Variants in RGR observed in about 807,000 individuals in gnomAD.
The protein encoded by RGR is RPE-retinal G protein-coupled receptor.
Under a neutral mutation model 28.6 loss-of-function variants are expected in RGR, and 30 were observed. The ratio of observed to expected loss-of-function variants is 1.05; its 90% confidence interval spans 0.78 to 1.42. RGR has a LOEUF of 1.42. Among genes scored for constraint, RGR ranks in the 40% most tolerant of loss-of-function variants. The pLI, the probability that RGR is intolerant of heterozygous loss-of-function variation, is 0.00. For missense variants in RGR, 404 were observed against 375.6 expected (o/e 1.08, Z -0.62); for synonymous variants, 180 against 156.4 (o/e 1.15, Z -1.13).
chr10:84,254,765 T>G (rs1170759782), intron 5 of RGR, among the ~76,000 whole-genome samples: 1 of 152,178 alleles, frequency 6.6e-6, no homozygotes, highest in Non-Finnish European at 1.5e-5. Flanking sequence ...CTTTGGCCCT[T>G]GTGTGCTTGC....
intron 1 of RGR, among the ~76,000 whole-genome samples, chr10:84,246,360 T>C (rs1842746440): frequency 1.3e-5 from 2 of 152,124 alleles, no homozygotes; most frequent in Admixed American, 1.3e-4. Flanking sequence ...CATTTGTAGG[T>C]TTTTTTAATC....
In RGR at chr10:84,259,003, G is replaced by C; in HGVS notation, c.*364G>C. The C allele has an allele frequency of 3.2e-6, 1 of 316,916 alleles. No homozygotes were observed. The highest frequency in any genetic ancestry group is 2.9e-5 in the South Asian group (1 of 34,354). 19.6% of individuals were successfully genotyped at this position (316,916 alleles called of 1,614,324 possible). A position where few individuals can be genotyped will look rare whatever the true frequency, so the allele number is the denominator to read the frequency against. Reference sequence around the variant, plus strand: ...TAATAATATACGTTGTACCCATTAAGTTATTTCTCATCCCTCACCCCCTCC... The same window carrying C: ...TAATAATATACGTTGTACCCATTAACTTATTTCTCATCCCTCACCCCCTCC... On this transcript the variant is annotated 3_prime_UTR_variant, in exon 7 of 7. Coordinates refer to ENST00000652092, the MANE Select transcript of RGR (RefSeq NM_001012720.2).
rs1211660616 is a variant in RGR, at chr10:84,247,759, C to G, written c.236+12C>G. ...TCCAGCCTTCTCCGGTACCAGCCCC[C>G]TCCCCAGTCCACAGGCTCTGGGGTC... On this transcript the variant is annotated intron_variant, in intron 2 of 6. Transcript: ENST00000652092. The G allele has an allele frequency of 6.2e-7, 1 of 1,614,098 alleles. No homozygotes were observed. The highest frequency in any genetic ancestry group is 1.7e-5 in the Admixed American group (1 of 60,034).
chr10:84,247,488 G>T, intron 1 of RGR, 103 bp from the exon 2 acceptor site: 1 of 1,327,126 alleles, frequency 7.5e-7, no homozygotes, highest in Non-Finnish European at 1.1e-6. Flanking sequence ...TGTCTTCCTT[G>T]TCTGTCCAGG....
At position 84,257,963 on chromosome 10, in the gene RGR, C is replaced by T. The variant is rs1055318208; in HGVS notation, c.701C>T (p.Ala234Val). The T allele has an allele frequency of 1.9e-6, 3 of 1,614,082 alleles. No individual in the cohort carries two copies. The highest frequency in any genetic ancestry group is 2.5e-6 in the Non-Finnish European group (3 of 1,180,050). ...WGPYAILYLYAVIADVTSISP... is the reference protein window; with the variant it reads ...WGPYAILYLYVVIADVTSISP... ...CCCTATGCCATCCTGTATCTATACGCAGTCATCGCAGACGTGACTTCCATC... is the reference window on the plus strand; with the variant it reads ...CCCTATGCCATCCTGTATCTATACGTAGTCATCGCAGACGTGACTTCCATC... Residue 234 changes from alanine (A) to valine (V), a missense_variant, in exon 6 of 7, where the codon GCA becomes GTA. By Grantham distance (64) the Ala-to-Val change is moderately conservative (BLOSUM62 0). Transcript: ENST00000652092.
chr10:84,245,784 C>T (rs1842739930), intron 1 of RGR, among the ~76,000 whole-genome samples: 1 of 152,238 alleles, frequency 6.6e-6, no homozygotes, highest in Non-Finnish European at 1.5e-5. Context: ...CCAAGCACTT[C>T]ACCTCTGGAG....
Position 84,258,521 on chromosome 10 carries a change from T to C in RGR, c.758T>C (p.Ile253Thr). Residue 253 changes from isoleucine to threonine, a missense_variant, in exon 7 of 7, where the codon ATT (isoleucine) becomes ACT (threonine). Transcript: ENST00000652092. ...SPKLQMVPAL[I>T]AKMVPTINAI... is the part of the protein sequence containing the mutation. ...CTGCCACAACAGGTGCCCGCCCTCA[T>C]TGCCAAAATGGTGCCCACGATCAAT... The C allele has an allele frequency of 6.2e-7, 1 of 1,614,194 alleles. No homozygotes were observed. Among genetic ancestry groups the C allele is most frequent in the Non-Finnish European group, 8.5e-7 (1 of 1,180,022 alleles).
intron 3 of RGR, among the ~76,000 whole-genome samples, chr10:84,249,682 TTGCAGACAGGCACTACTC>T (rs1362426913): frequency 2.2e-4 from 34 of 152,340 alleles, no homozygotes; most frequent in African/African-American, 7.0e-4. Context: ...GAAAATGCCC[TTGCAGACAGGCACTACTC>T]TGCAGACAGG....
intron 3 of RGR, among the ~76,000 whole-genome samples, chr10:84,250,220 C>T (rs771012436): frequency 1.2e-4 from 19 of 152,284 alleles, no homozygotes; most frequent in Middle Eastern, 3.4e-3. Context: ...ATGAATTTGT[C>T]CAGCACAGAG....
At chr10:84,245,267 AC>A in intron 1 of RGR, 98 bp downstream of exon 1, 1 of 1,237,614 alleles carries the variant, frequency 8.1e-7, no homozygotes, top group Non-Finnish European at 1.1e-6. Context: ...AGGTCCCCAA[AC>A]CCAGCTGGGT....
At chr10:84,252,303 G>A (rs904228503) in intron 3 of RGR, among the ~76,000 whole-genome samples, 1 of 152,208 alleles carries the variant, frequency 6.6e-6, no homozygotes, top group Non-Finnish European at 1.5e-5. Context: ...AAGTGCTGAG[G>A]ATGGTGGTAA....
intron 4 of RGR, among the ~76,000 whole-genome samples, chr10:84,253,437 C>A (rs185430978): frequency 6.6e-6 from 1 of 152,276 alleles, no homozygotes; most frequent in African/African-American, 2.4e-5. Flanking sequence ...GGAGGGAATG[C>A]CCTGAGCATA....
chr10:84,248,240 C>T (rs778874456), intron 2 of RGR: 39 of 1,210,760 alleles, frequency 3.2e-5, no homozygotes, highest in East Asian at 1.6e-4. Flanking sequence ...GGAGGGACAC[C>T]GATGCAGTGT....
chr10:84,250,239 G>A (rs1842798287), intron 3 of RGR: 1 of 663,624 alleles, frequency 1.5e-6, no homozygotes, highest in Non-Finnish European at 2.8e-6. Flanking sequence ...AGGCTGCTGT[G>A]AGGTCTATAG....
At chr10:84,257,228 C>T (rs138598067) in intron 5 of RGR, among the ~76,000 whole-genome samples, 1,530 of 152,316 alleles carry the variant, frequency 0.01, 29 homozygotes, top group African/African-American at 0.035. Flanking sequence ...TCTTGCGCCC[C>T]CTCATGGCCC....
chr10:84,250,292 C>T lies in RGR; in HGVS notation c.358+1249C>T. On this transcript the variant is annotated intron_variant, in intron 3 of 6. Coordinates refer to ENST00000652092, the MANE Select transcript of RGR (RefSeq NM_001012720.2). ...CATGGCATGTCCTCTTTGGAATCCA[C>T]AGAACTTCCCTTGCCATAGTCACAT... 8.5e-6 allele frequency: 6 copies of T among 709,670 alleles called. No homozygotes were observed. The South Asian group carries it at 8.9e-5, about 11-fold the overall frequency. The allele number at this position is 709,670 out of a possible 1,614,324, so 44.0% of individuals were successfully genotyped here.
chr10:84,259,637 A>T lies in RGR; in HGVS notation c.*998A>T, dbSNP rs1485843885. 2 of 152,014 alleles carry T rather than the reference A, an allele frequency of 1.3e-5. No homozygotes were observed. The highest frequency in any genetic ancestry group is 4.8e-5 in the African/African-American group (2 of 41,366). The allele number at this position is 152,014 out of a possible 1,614,324, so 9.4% of individuals were successfully genotyped here. A position where few individuals can be genotyped will look rare whatever the true frequency, so the allele number is the denominator to read the frequency against. Reference sequence around the variant, plus strand: ...GGTTTTAATTTCCATTTCTCTGATGACTTTTGATGTTAAGCATTTTTTCAT... The same window carrying T: ...GGTTTTAATTTCCATTTCTCTGATGTCTTTTGATGTTAAGCATTTTTTCAT... On this transcript the variant is annotated 3_prime_UTR_variant, in exon 7 of 7. Coordinates refer to ENST00000652092, the MANE Select transcript of RGR (RefSeq NM_001012720.2).
intron 1 of RGR, 119 bp downstream of exon 1, chr10:84,245,288 C>T: frequency 1.1e-6 from 1 of 912,392 alleles, no homozygotes; most frequent in South Asian, 1.6e-5. Context: ...TGTCCGGTCC[C>T]ATTGGCTGCC....
At chr10:84,245,484 G>C (rs1019412364) in intron 1 of RGR, among the ~76,000 whole-genome samples, 2 of 152,108 alleles carry the variant, frequency 1.3e-5, no homozygotes, top group African/African-American at 2.4e-5. Flanking sequence ...CTCCAGCCGG[G>C]AGAAAATTTA....
Sources: allele counts gnomAD v4.1 joint callset (sites outside exome capture counted in the v4.1 genomes callset), GRCh38; gene constraint gnomAD v4.1.1; transcripts MANE v1.5; gene names NCBI Gene and HGNC (gene_info 2026-07-23, HGNC 2026-07-21).